Variants in ZDHHC14 observed in about 807,000 individuals in gnomAD.
ZDHHC14 encodes zDHHC palmitoyltransferase 14.
ZDHHC14 carries 16 observed loss-of-function variants against 47.7 expected under a neutral mutation model. That is an observed-to-expected ratio of 0.34 (90% CI 0.23 to 0.51). ZDHHC14 has a LOEUF of 0.51. Among genes scored for constraint, ZDHHC14 ranks in the 20% least tolerant of loss-of-function variants. ZDHHC14 has a pLI of 0.97. For synonymous variants in ZDHHC14, 293 were observed against 278.9 expected (o/e 1.05, Z -0.50); for missense variants, 515 against 662.5 (o/e 0.78, Z 2.44).
At chr6:157,572,269 C>T (rs1353619251) in intron 2 of ZDHHC14, among the ~76,000 whole-genome samples, 5 of 152,104 alleles carry the variant, frequency 3.3e-5, no homozygotes, top group Admixed American at 2.6e-4. Flanking sequence ...CCCTCCCACT[C>T]ATGACAACTA....
At chr6:157,505,793 A>G (rs1169206194) in intron 1 of ZDHHC14, among the ~76,000 whole-genome samples, 3 of 152,238 alleles carry the variant, frequency 2.0e-5, no homozygotes, top group Admixed American at 2.0e-4. Context: ...GTGTAGAAGT[A>G]TAAGAGTTTT....
chr6:157,384,883 C>T (rs1777281204), intron 1 of ZDHHC14, among the ~76,000 whole-genome samples: 1 of 152,176 alleles, frequency 6.6e-6, no homozygotes, highest in Admixed American at 6.5e-5. Flanking sequence ...TCCTGCCTTC[C>T]TCTAGTTATG....
At chr6:157,535,614 C>T (rs1437551932) in intron 1 of ZDHHC14, among the ~76,000 whole-genome samples, 1 of 152,134 alleles carries the variant, frequency 6.6e-6, no homozygotes, top group African/African-American at 2.4e-5. Flanking sequence ...AAATTCCCTC[C>T]CTTCATACAG....
At chr6:157,651,038 G>A (rs1005366987) in intron 7 of ZDHHC14, among the ~76,000 whole-genome samples, 9 of 152,236 alleles carry the variant, frequency 5.9e-5, no homozygotes, top group African/African-American at 1.4e-4. Context: ...GCCATGAGCC[G>A]TGCATAGGCC....
At chr6:157,416,662 T>G (rs1777977299) in intron 1 of ZDHHC14, among the ~76,000 whole-genome samples, 1 of 99,190 alleles carries the variant, frequency 1.0e-5, no homozygotes, top group Non-Finnish European at 1.9e-5. Flanking sequence ...AGTGAGACCC[T>G]GTCTCATTAA....
intron 1 of ZDHHC14, among the ~76,000 whole-genome samples, chr6:157,425,500 G>T (rs1028575103): frequency 6.6e-6 from 1 of 152,094 alleles, no homozygotes; most frequent in Admixed American, 6.6e-5. Flanking sequence ...CAATGATAGC[G>T]GACATTGTGT....
chr6:157,626,707 T>G (rs1050534693), intron 3 of ZDHHC14, among the ~76,000 whole-genome samples: 1 of 152,186 alleles, frequency 6.6e-6, no homozygotes, highest in Non-Finnish European at 1.5e-5. Flanking sequence ...ACATTAGGGT[T>G]CACTCTAGGT....
At position 157,539,724 on chromosome 6, in the gene ZDHHC14, T is replaced by C. The variant is rs532948790; in HGVS notation, c.246-2861T>C. On this transcript the variant is annotated intron_variant, in intron 1 of 8. Transcript: ENST00000359775. ...AACAGAACTCTTCCTGTAGGCTCTT[T>C]CCTGCCTCCCTCTCTACTTCACCTG... 4.7e-4 allele frequency among the ~76,000 whole-genome samples: 72 copies of C among 152,326 alleles called. 1 individual carries two copies. The South Asian group carries it at 9.8e-3, about 21-fold the overall frequency.
At chr6:157,628,635 G>A (rs1213098526) in intron 4 of ZDHHC14, 149 bp downstream of exon 4, 42 of 1,089,406 alleles carry the variant, frequency 3.9e-5, no homozygotes, top group South Asian at 1.7e-4. Flanking sequence ...AGCCTGCCTC[G>A]CTTTTGTTTC....
intron 2 of ZDHHC14, among the ~76,000 whole-genome samples, chr6:157,590,788 T>C (rs1305840503): frequency 6.6e-6 from 1 of 152,220 alleles, no homozygotes; most frequent in Non-Finnish European, 1.5e-5. Flanking sequence ...CACTGACATC[T>C]TGCACTGTGT....
At chr6:157,560,093 CA>C in intron 2 of ZDHHC14, among the ~76,000 whole-genome samples, 1 of 152,320 alleles carries the variant, frequency 6.6e-6, no homozygotes, top group East Asian at 1.9e-4. Flanking sequence ...CATGCAGGCA[CA>C]GGGTGGTGGC....
At chr6:157,468,256 A>C (rs373539119) in intron 1 of ZDHHC14, among the ~76,000 whole-genome samples, 53 of 152,340 alleles carry the variant, frequency 3.5e-4, no homozygotes, top group African/African-American at 1.2e-3. Context: ...TAATTCGTCT[A>C]GGAAATCATC....
intron 4 of ZDHHC14, chr6:157,630,730 G>C (rs11964344): frequency 0.58 from 82,908 of 143,246 alleles, 24,936 homozygotes; most frequent in East Asian, 0.87. Flanking sequence ...CCCACACACC[G>C]CCTTACACAC....
intron 1 of ZDHHC14, among the ~76,000 whole-genome samples, chr6:157,505,082 T>G (rs940266301): frequency 3.3e-5 from 5 of 152,232 alleles, no homozygotes; most frequent in African/African-American, 1.2e-4. Flanking sequence ...AGTGTTGGGA[T>G]TACAGGCATG....
intron 1 of ZDHHC14, among the ~76,000 whole-genome samples, chr6:157,523,738 A>AG (rs1398766843): frequency 6.6e-6 from 1 of 151,930 alleles, no homozygotes; most frequent in East Asian, 1.9e-4. Flanking sequence ...CAAAAAAAAA[A>AG]AAAAGGAAAA....
chr6:157,554,837 C>T (rs537604359), intron 2 of ZDHHC14, among the ~76,000 whole-genome samples: 1 of 152,320 alleles, frequency 6.6e-6, no homozygotes, highest in South Asian at 2.1e-4. Flanking sequence ...CACAGGAATG[C>T]CTATGACTCT....
chr6:157,471,395 C>T (rs1779351549), intron 1 of ZDHHC14, among the ~76,000 whole-genome samples: 1 of 152,176 alleles, frequency 6.6e-6, no homozygotes, highest in Non-Finnish European at 1.5e-5. Flanking sequence ...GGGCTGGACT[C>T]CCCCGCCCGC....
chr6:157,538,856 G>A (rs143302219), intron 1 of ZDHHC14, among the ~76,000 whole-genome samples: 2,617 of 152,284 alleles, frequency 0.017, 83 homozygotes, highest in African/African-American at 0.059. Flanking sequence ...GACAGGCAGC[G>A]CTGGCGGTGA....
intron 2 of ZDHHC14, among the ~76,000 whole-genome samples, chr6:157,557,083 G>T (rs961179527): frequency 6.6e-6 from 1 of 152,212 alleles, no homozygotes; most frequent in Non-Finnish European, 1.5e-5. Context: ...TGGGGAGGCC[G>T]CTCAGCCCTC....
Sources: gnomAD v4.1 joint callset for allele counts (sites outside exome capture counted in the v4.1 genomes callset) on GRCh38, gnomAD v4.1.1 for gene constraint, MANE v1.5 for transcripts, NCBI Gene and HGNC (gene_info 2026-07-23, HGNC 2026-07-21) for gene names.